ACSM3: variants seen among roughly 807,000 people sequenced by gnomAD.
The protein encoded by ACSM3 is acyl-CoA synthetase medium chain family member 3.
A neutral mutation model predicts 74.1 loss-of-function variants in ACSM3; 61 were observed. That is an observed-to-expected ratio of 0.82 (90% CI 0.67 to 1.02). The LOEUF (loss-of-function observed/expected upper bound fraction) is 1.02, where lower values mean the gene tolerates loss of function less well. ACSM3 is among the 50% of genes least tolerant of loss of function. The pLI is 0.00. For synonymous variants in ACSM3, 213 were observed against 241.5 expected, an observed-to-expected ratio of 0.88 and a Z score of 1.09; for missense variants, 660 against 697.0, an observed-to-expected ratio of 0.95 and a Z score of 0.60.
intron 7 of ACSM3, among the ~76,000 whole-genome samples, chr16:20,782,523 T>C (rs2080375483): frequency 6.6e-6 from 1 of 152,222 alleles, no homozygotes; most frequent in Non-Finnish European, 1.5e-5. Flanking sequence ...GGTCTCCAGA[T>C]GTAAGGGATC....
intron 3 of ACSM3, 106 bp from the exon 4 acceptor site, chr16:20,777,267 C>G (rs113476421): frequency 3.8e-6 from 4 of 1,057,182 alleles, no homozygotes; most frequent in Non-Finnish European, 5.4e-6. Context: ...GGTAAACTGA[C>G]TAACTCACTC....
intron 1 of ACSM3, among the ~76,000 whole-genome samples, chr16:20,764,335 T>C (rs2080102755): frequency 6.6e-6 from 1 of 152,276 alleles, no homozygotes; most frequent in Non-Finnish European, 1.5e-5. Context: ...GCTATAAATG[T>C]AGCAGCTGAG....
chr16:20,731,606 AT>A (rs2079830770), intron 1 of ACSM3: 1 of 310,400 alleles, frequency 3.2e-6, no homozygotes, highest in Non-Finnish European at 5.9e-6. Context: ...AGCAAGATAA[AT>A]TATCTGTTGC....
chr16:20,728,628 T>A, intron 1 of ACSM3: 1 of 384,508 alleles, frequency 2.6e-6, no homozygotes, highest in Admixed American at 4.0e-5. Flanking sequence ...CTATCACCTA[T>A]CACCTGAGTA....
intron 3 of ACSM3, among the ~76,000 whole-genome samples, chr16:20,776,710 C>G (rs2080260140): frequency 6.6e-6 from 1 of 152,184 alleles, no homozygotes; most frequent in Non-Finnish European, 1.5e-5. Context: ...CTGAAGCTCA[C>G]AGAGGTGAAG....
chr16:20,739,763 G>C (rs2152420399), intron 1 of ACSM3, among the ~76,000 whole-genome samples: 1 of 151,524 alleles, frequency 6.6e-6, no homozygotes, highest in South Asian at 2.1e-4. Context: ...AGATATTGCA[G>C]TGAGCTGAGA....
chr16:20,785,207 A>C, intron 8 of ACSM3, 100 bp downstream of exon 8: 1 of 1,479,964 alleles, frequency 6.8e-7, no homozygotes, highest in Non-Finnish European at 9.2e-7. Context: ...GAGGGATAGG[A>C]GTTGAGTGGT....
intron 3 of ACSM3, among the ~76,000 whole-genome samples, chr16:20,757,009 C>T (rs963003215): frequency 2.6e-5 from 4 of 151,570 alleles, no homozygotes; most frequent in African/African-American, 9.7e-5. Context: ...TGTTTTGGTA[C>T]CAGTACCATG....
At chr16:20,736,880 C>G (rs1389172487) in intron 1 of ACSM3, 1 of 1,613,258 alleles carries the variant, frequency 6.2e-7, no homozygotes, top group Admixed American at 1.7e-5. Flanking sequence ...AAATGACTTC[C>G]TATGAGAAGT....
At chr16:20,738,312 A>G in intron 1 of ACSM3, 1 of 280,202 alleles carries the variant, frequency 3.6e-6, no homozygotes, top group Non-Finnish European at 7.2e-6. Flanking sequence ...CTTTTTTACA[A>G]AAAAAAAAAA....
At chr16:20,691,037 A>C (rs2079644040) in intron 1 of ACSM3, 1 of 1,613,588 alleles carries the variant, frequency 6.2e-7, no homozygotes, top group African/African-American at 1.3e-5. Context: ...ATAACTTGCA[A>C]AGTTAAATTC....
intron 1 of ACSM3, among the ~76,000 whole-genome samples, chr16:20,677,099 T>C (rs2020332647): frequency 6.6e-6 from 1 of 151,976 alleles, no homozygotes; most frequent in Admixed American, 6.6e-5. Flanking sequence ...ATAAGAGAGT[T>C]CCTAAGGGCA....
At chr16:20,783,943 T>G (rs1474855535) in intron 7 of ACSM3, among the ~76,000 whole-genome samples, 1 of 152,114 alleles carries the variant, frequency 6.6e-6, no homozygotes, top group African/African-American at 2.4e-5. Context: ...GCATGTAGGA[T>G]TACAGGTGTG....
chr16:20,677,811 T>C (rs1216893253), intron 1 of ACSM3, among the ~76,000 whole-genome samples: 1 of 152,020 alleles, frequency 6.6e-6, no homozygotes, highest in African/African-American at 2.4e-5. Context: ...GACAAATATT[T>C]ACACAGATTC....
At chr16:20,778,374 A>G (rs1430988490) in intron 4 of ACSM3, among the ~76,000 whole-genome samples, 1 of 152,182 alleles carries the variant, frequency 6.6e-6, no homozygotes, top group African/African-American at 2.4e-5. Flanking sequence ...GCTTGCAACT[A>G]TGGACTTTTC....
At chr16:20,735,163 T>C (rs1034467267) in intron 1 of ACSM3, 1 of 152,230 alleles carries the variant, frequency 6.6e-6, no homozygotes, top group Non-Finnish European at 1.5e-5. Context: ...CATTTGTTCA[T>C]GTGATGAAAA....
intron 1 of ACSM3, chr16:20,697,916 C>A (rs1210140558): frequency 3.3e-5 from 5 of 152,334 alleles, no homozygotes; most frequent in African/African-American, 1.2e-4. Context: ...CCATGTGGGC[C>A]GGGCGCAGTG....
chr16:20,716,545 T>C (rs901255144), intron 1 of ACSM3, among the ~76,000 whole-genome samples: 4 of 152,168 alleles, frequency 2.6e-5, no homozygotes, highest in Admixed American at 6.5e-5. Flanking sequence ...CTTATAAACA[T>C]GCTCTCCATT....
In ACSM3 at chr16:20,790,521, A is replaced by G; in HGVS notation, c.1225-66A>G. On this transcript the variant is annotated intron_variant, in intron 9 of 13. Coordinates refer to ENST00000289416, the MANE Select transcript of ACSM3 (RefSeq NM_005622.4). The surrounding 1 kb of genome is among the most constrained non-coding windows in gnomAD (Gnocchi z 4.0). ...GCAAAAGCCAAAATAAAACTTGCAAAGTTAATATTTAAGCTGCGACATTAA... is the reference window on the plus strand; with the variant it reads ...GCAAAAGCCAAAATAAAACTTGCAAGGTTAATATTTAAGCTGCGACATTAA... The G allele has an allele frequency of 1.4e-6, 2 of 1,456,542 alleles. No homozygotes were observed. The highest frequency in any genetic ancestry group is 1.8e-4 in the Middle Eastern group (1 of 5,638). The allele number at this position is 1,456,542 out of a possible 1,614,324, so 90.2% of individuals were successfully genotyped here.
Sources: gnomAD v4.1 joint callset for allele counts (sites outside exome capture counted in the v4.1 genomes callset) on GRCh38, gnomAD v4.1.1 for gene constraint, Gnocchi (gnomAD v3.1) non-coding constraint, MANE v1.5 for transcripts, NCBI Gene and HGNC (gene_info 2026-07-23, HGNC 2026-07-21) for gene names.